ACSM1: variants seen among roughly 807,000 people sequenced by gnomAD.
ACSM1 encodes the protein acyl-coenzyme A synthetase ACSM1, mitochondrial.
ACSM1 carries 79 observed loss-of-function variants against 75.8 expected under a neutral mutation model. That is an observed-to-expected ratio of 1.04 (90% confidence interval 0.87 to 1.26). The LOEUF (loss-of-function observed/expected upper bound fraction) is 1.26. Ranked by LOEUF, ACSM1 falls within the 50% of genes most tolerant of loss-of-function variation. ACSM1 has a pLI of 0.00. For missense variants in ACSM1, 676 were observed against 720.1 expected (o/e 0.94, Z 0.70); for synonymous variants, 279 against 265.8 (o/e 1.05, Z -0.48).
chr16:20,637,363 G>C lies in ACSM1; in HGVS notation c.1197+8C>G. ...AACTGCTCCCTGCCAATGCCCTTAGGACCAGACCTGGACGTCGTAGGGTGG... is the reference window on the plus strand; with the variant it reads ...AACTGCTCCCTGCCAATGCCCTTAGCACCAGACCTGGACGTCGTAGGGTGG... On this transcript the variant is annotated splice_region_variant and intron_variant, in intron 9 of 13. Coordinates refer to ENST00000520010, the MANE Select transcript of ACSM1 (RefSeq NM_001318890.3). 6.2e-7 allele frequency: 1 copy of C among 1,613,762 alleles called. No homozygotes were observed. The highest frequency in any genetic ancestry group is 8.5e-7 in the Non-Finnish European group (1 of 1,179,708).
intron 11 of ACSM1, among the ~76,000 whole-genome samples, chr16:20,626,102 C>T (rs1316791785): frequency 2.6e-5 from 4 of 151,978 alleles, no homozygotes; most frequent in African/African-American, 9.7e-5. Flanking sequence ...AAATCCCATC[C>T]AGGCTGGGCA....
chr16:20,629,990 CAAA>C (rs558208317), intron 10 of ACSM1, among the ~76,000 whole-genome samples: 7 of 81,014 alleles, frequency 8.6e-5, no homozygotes, highest in Non-Finnish European at 5.7e-5. Flanking sequence ...GACTCCAACT[CAAA>C]AAAAAAAAAA....
intron 7 of ACSM1, among the ~76,000 whole-genome samples, chr16:20,659,331 T>C (rs563178303): frequency 6.7e-4 from 102 of 152,298 alleles, no homozygotes; most frequent in Middle Eastern, 3.4e-3. Context: ...CCTAGTGCCA[T>C]GGGACCTGCT....
At position 20,671,584 on chromosome 16, in the gene ACSM1, G is replaced by T; in HGVS notation, c.699C>A (p.Pro233=). The stretch of plus-strand genomic sequence containing the variant: ...ACCCATGGGAGTGTTTTGCCATCTT[G>T]GGGAAGCCTGTGGTCCCACTGGTGA... ...IFFTSGTTGF[P]KMAKHSHGLA... The change falls in exon 5 of 14, where the codon CCC becomes CCA. Residue 233 remains proline (P), a synonymous_variant. Transcript: ENST00000520010. 1 of 1,613,818 alleles carries T rather than the reference G, an allele frequency of 6.2e-7. No homozygotes were observed. The highest frequency in any genetic ancestry group is 8.5e-7 in the Non-Finnish European group (1 of 1,179,874).
At chr16:20,651,072 T>G (rs1190409370) in intron 7 of ACSM1, among the ~76,000 whole-genome samples, 2 of 152,306 alleles carry the variant, frequency 1.3e-5, no homozygotes, top group Non-Finnish European at 2.9e-5. Flanking sequence ...TAATTTTATG[T>G]TCAATTGGCA....
intron 8 of ACSM1, 138 bp from the exon 9 acceptor site, chr16:20,637,589 G>A: frequency 1.3e-6 from 1 of 749,414 alleles, no homozygotes; most frequent in South Asian, 1.6e-5. Context: ...GCCCTCGTAG[G>A]GAAGCTGGAA....
At chr16:20,637,490 G>A (rs1461138658) in intron 8 of ACSM1, 39 bp from the exon 9 acceptor site, 6 of 1,544,730 alleles carry the variant, frequency 3.9e-6, no homozygotes, top group Non-Finnish European at 5.4e-6. Flanking sequence ...TGATCAGAGA[G>A]GCCAGGCTGA....
intron 10 of ACSM1, among the ~76,000 whole-genome samples, chr16:20,629,155 T>G (rs1005430585): frequency 1.3e-5 from 2 of 151,860 alleles, no homozygotes; most frequent in African/African-American, 2.4e-5. Context: ...GAGAAAATTG[T>G]TTTTTTTAAG....
intron 7 of ACSM1, among the ~76,000 whole-genome samples, chr16:20,641,913 G>C (rs184901144): frequency 1.7e-3 from 254 of 152,302 alleles, no homozygotes; most frequent in African/African-American, 5.9e-3. Context: ...GAAGAATCAG[G>C]GTAACAATGG....
At chr16:20,645,567 A>C (rs1215421890) in intron 7 of ACSM1, among the ~76,000 whole-genome samples, 2 of 152,222 alleles carry the variant, frequency 1.3e-5, no homozygotes, top group Admixed American at 1.3e-4. Context: ...TAGATATAAT[A>C]TTACTGCTAA....
intron 4 of ACSM1, chr16:20,674,417 A>G (rs1217365732): frequency 2.0e-5 from 4 of 198,702 alleles, no homozygotes; most frequent in Non-Finnish European, 3.2e-5. Flanking sequence ...CACTTCTGTA[A>G]TATGCTTCCC....
chr16:20,635,700 T>G (rs1403572999), intron 10 of ACSM1, among the ~76,000 whole-genome samples: 1 of 151,530 alleles, frequency 6.6e-6, no homozygotes, highest in Non-Finnish European at 1.5e-5. Context: ...AGTGCAGTGG[T>G]GCGATCTTGG....
At chr16:20,692,367 A>T (rs534754113) in intron 1 of ACSM1, among the ~76,000 whole-genome samples, 5 of 152,308 alleles carry the variant, frequency 3.3e-5, no homozygotes, top group Admixed American at 6.5e-5. Flanking sequence ...GGAAAACCTA[A>T]AGTGGGGGCT....
chr16:20,640,661 C>T (rs1792454460), intron 7 of ACSM1, 77 bp from the exon 8 acceptor site: 4 of 1,595,406 alleles, frequency 2.5e-6, no homozygotes, highest in Non-Finnish European at 2.6e-6. Context: ...GTCTGTCACC[C>T]AGATCATTCA....
intron 7 of ACSM1, among the ~76,000 whole-genome samples, chr16:20,641,824 C>G (rs2018080600): frequency 6.6e-6 from 1 of 152,180 alleles, no homozygotes; most frequent in African/African-American, 2.4e-5. Context: ...AACTCTAGAT[C>G]ATGTGAAAGC....
intron 10 of ACSM1, among the ~76,000 whole-genome samples, chr16:20,634,353 C>G (rs1054397996): frequency 2.0e-5 from 3 of 152,082 alleles, no homozygotes; most frequent in Non-Finnish European, 4.4e-5. Context: ...TCTATACTCC[C>G]AAGAAATGGA....
At chr16:20,684,613 C>G (rs901958604) in intron 3 of ACSM1, among the ~76,000 whole-genome samples, 3 of 152,208 alleles carry the variant, frequency 2.0e-5, no homozygotes, top group Non-Finnish European at 4.4e-5. Context: ...AAAAATGTCA[C>G]TGTCATGCAG....
intron 7 of ACSM1, among the ~76,000 whole-genome samples, chr16:20,651,340 A>G (rs1210924725): frequency 6.6e-6 from 1 of 152,244 alleles, no homozygotes; most frequent in African/African-American, 2.4e-5. Flanking sequence ...CTAAAAATAT[A>G]TGAAGAGGCT....
intron 1 of ACSM1, among the ~76,000 whole-genome samples, 183 bp from the exon 2 acceptor site, chr16:20,691,422 C>A (rs545426036): frequency 2.0e-5 from 3 of 152,186 alleles, no homozygotes; most frequent in African/African-American, 7.2e-5. Flanking sequence ...TGGCAGAAAA[C>A]GCTGGGGAGG....
Sources: allele counts gnomAD v4.1 joint callset (sites outside exome capture counted in the v4.1 genomes callset), GRCh38; gene constraint gnomAD v4.1.1; transcripts MANE v1.5; gene names NCBI Gene and HGNC (gene_info 2026-07-23, HGNC 2026-07-21).